INTS11: variants seen among roughly 807,000 people sequenced by gnomAD.
The protein encoded by INTS11 is integrator complex subunit 11.
INTS11 carries 77 observed loss-of-function variants against 78.6 expected under a neutral mutation model. That is an observed-to-expected ratio of 0.98 (90% CI 0.81 to 1.18). The LOEUF (loss-of-function observed/expected upper bound fraction) is 1.18. Among genes scored for constraint, INTS11 ranks in the 50% most tolerant of loss-of-function variants. INTS11 has a pLI of 0.00. For synonymous variants in INTS11, 441 were observed against 326.9 expected (o/e 1.35, Z -3.77); for missense variants, 875 against 825.9 (o/e 1.06, Z -0.73).
In INTS11 at chr1:1,313,774, G is replaced by A. The variant is rs1172684851; in HGVS notation, c.915C>T (p.Ile305=). Reference sequence around the variant, plus strand: ...CAGCAAAAGCCCGGTCGAAGGCCTTGATGTGCTTGAACTCAAACATGTTCC... The same window carrying A: ...CAGCAAAAGCCCGGTCGAAGGCCTTAATGTGCTTGAACTCAAACATGTTCC... ...VQRNMFEFKH[I]KAFDRAFADN... The change falls in exon 9 of 17, where the codon ATC becomes ATT. Residue 305 remains isoleucine, a synonymous_variant. Coordinates refer to ENST00000435064, the MANE Select transcript of INTS11 (RefSeq NM_017871.6). The A allele has an allele frequency of 6.2e-7, 1 of 1,613,380 alleles. No individual in the cohort carries two copies. The highest frequency in any genetic ancestry group is 1.7e-5 in the Admixed American group (1 of 60,024).
Position 1,312,501 on chromosome 1 carries a change from C to T in INTS11, c.1403G>A (p.Gly468Glu), listed in dbSNP as rs1642274253. 10 of 1,581,726 alleles carry T rather than the reference C, an allele frequency of 6.3e-6. No homozygotes were observed. The highest frequency in any genetic ancestry group is 8.6e-6 in the Non-Finnish European group (10 of 1,164,534). ...AGGCTTCTTGGCCTCAGGGAGCAGC[C>T]CTGCGGAGGAGGTGGCAGGAGCCAT... Reference protein sequence around the residue: ...LGLLKREMAQGLLPEAKKPRL... With the variant: ...LGLLKREMAQELLPEAKKPRL... Residue 468 changes from glycine to glutamate, a missense_variant and splice_region_variant, in exon 14 of 17, where the codon GGG (glycine) becomes GAG (glutamate). Coordinates refer to ENST00000435064, the MANE Select transcript of INTS11 (RefSeq NM_017871.6).
chr1:1,315,828 C>CG (rs1221033034), intron 4 of INTS11: 1 of 3,404 alleles, frequency 2.9e-4, no homozygotes, highest in South Asian at 9.1e-3. Context: ...GTGAGGGGGG[C>CG]GGGGGCAGGG....
At position 1,315,617 on chromosome 1, in the gene INTS11, AC is replaced by A. The variant is rs763820646; in HGVS notation, c.430del (p.Val144Ter). On this transcript the variant is annotated frameshift_variant and splice_region_variant, in exon 5 of 17. Coordinates refer to ENST00000435064, the MANE Select transcript of INTS11 (RefSeq NM_017871.6). LOFTEE classifies it high-confidence loss of function. ...VAVHLHQTVQ[V>X]DDELEIKAYY... ...GGCCTTGATCTCCAGCTCATCATCT[AC>A]CTGTGGAGGACAGGGCTGCGCTCAG... 6.3e-7 allele frequency: 1 copy of A among 1,597,508 alleles called. No individual in the cohort carries two copies. Among genetic ancestry groups the A allele is most frequent in the Non-Finnish European group, 8.5e-7 (1 of 1,172,156 alleles).
chr1:1,311,969 G>C, intron 16 of INTS11, 45 bp from the exon 17 acceptor site: 1 of 1,596,396 alleles, frequency 6.3e-7, no homozygotes, highest in African/African-American at 1.3e-5. Context: ...GGACAGGGAG[G>C]AATGTTGATA....
chr1:1,314,644 C>T lies in INTS11; in HGVS notation c.702+180G>A, dbSNP rs138032726. On this transcript the variant is annotated intron_variant, in intron 7 of 16. Coordinates refer to ENST00000435064, the MANE Select transcript of INTS11 (RefSeq NM_017871.6). The surrounding 1 kb of genome is among the most constrained non-coding windows in gnomAD (Gnocchi z 4.2). The stretch of plus-strand genomic sequence containing the variant: ...CCTGAGGTAGGAGGGAAAAGGGGCT[C>T]CCTAGGAAAGGGTCTCTGAGTTTTC... The T allele has an allele frequency of 3.2e-4, 256 of 805,736 alleles. No homozygotes were observed. Among genetic ancestry groups the T allele is most frequent in the African/African-American group, 1.5e-3 (87 of 57,670 alleles). The allele number at this position is 805,736 out of a possible 1,614,324, so 49.9% of individuals were successfully genotyped here.
Position 1,314,089 on chromosome 1 carries a change from C to G in INTS11, c.768-168G>C, listed in dbSNP as rs1270359100. The G allele has an allele frequency of 1.3e-6, 1 of 793,752 alleles. No homozygotes were observed. Among genetic ancestry groups the G allele is most frequent in the African/African-American group, 1.7e-5 (1 of 57,656 alleles). 49.2% of individuals were successfully genotyped at this position (793,752 alleles called of 1,614,324 possible). On this transcript the variant is annotated intron_variant, in intron 8 of 16. Transcript: ENST00000435064. This position sits in a 1 kb window ranked among gnomAD's most constrained non-coding sequence, Gnocchi z 4.2. ...TAAGCCCTGCAGCAGCCGGGCTCAG[C>G]GGAGAACCAGGAACCCCTACAAGAG...
chr1:1,320,183 A>G (rs1414592653), intron 3 of INTS11: 1 of 441,762 alleles, frequency 2.3e-6, no homozygotes. Context: ...TGGGGTTTAA[A>G]GATCCTGAGA....
intron 6 of INTS11, 167 bp from the exon 7 acceptor site, chr1:1,315,129 G>C (rs1169005167): frequency 1.0e-5 from 9 of 897,180 alleles, no homozygotes; most frequent in Non-Finnish European, 1.5e-5. Context: ...TGGGAAGAGA[G>C]AGGAGAGACA....
chr1:1,316,034 A>C, intron 4 of INTS11: 1 of 252,690 alleles, frequency 4.0e-6, no homozygotes. Context: ...AAGGTTCAGA[A>C]TGTTGGCGGC....
intron 2 of INTS11, 124 bp downstream of exon 2, chr1:1,320,872 G>A (rs1331224215): frequency 3.3e-6 from 3 of 920,520 alleles, no homozygotes; most frequent in South Asian, 1.3e-5. Flanking sequence ...GCTCCCCACA[G>A]GGTGCAGCCA....
rs1307568776 is a variant in INTS11 at position 1,311,926 on chromosome 1, T to TAGGGCAGAGGCA, written c.1738-14_1738-3dup. On this transcript the variant is annotated splice_region_variant and splice_polypyrimidine_tract_variant and intron_variant, in intron 16 of 16. Transcript: ENST00000435064. ...GAGGAAGCTCCCCAGCTCCTCGTCC[T>TAGGGCAGAGGCA]AGGGCAGAGGCAAAAGCATTGTGGG... 1 of 1,581,992 alleles carries TAGGGCAGAGGCA rather than the reference T, an allele frequency of 6.3e-7. No individual in the cohort carries two copies. Among genetic ancestry groups the TAGGGCAGAGGCA allele is most frequent in the Non-Finnish European group, 8.6e-7 (1 of 1,162,060 alleles).
rs996747526 is a variant in INTS11, at chr1:1,313,302, G to C, written c.1042-178C>G. 7.8e-5 allele frequency: 70 copies of C among 895,690 alleles called. 1 individual carries two copies. The highest frequency in any genetic ancestry group is 6.6e-4 in the Admixed American group (31 of 46,882). 55.5% of individuals were successfully genotyped at this position (895,690 alleles called of 1,614,324 possible). On this transcript the variant is annotated intron_variant, in intron 10 of 16. Transcript: ENST00000435064. ...TTTGGCACAAGACTGTCCAGGGCTG[G>C]GCTGGGGCTGTTCTGCCCGAGGTGG... is the stretch of plus-strand genomic sequence containing the variant.
chr1:1,322,922 A>AGGTACAGAT, intron 1 of INTS11: 2 of 1,337,566 alleles, frequency 1.5e-6, no homozygotes, highest in Non-Finnish European at 1.9e-6. Flanking sequence ...GAATATACCC[A>AGGTACAGAT]GGTACAGATT....
Position 1,315,084 on chromosome 1 carries a change from A to G in INTS11, c.564-122T>C, listed in dbSNP as rs189734561. 2.1e-4 allele frequency: 260 copies of G among 1,255,812 alleles called. 1 individual carries two copies. Among genetic ancestry groups the G allele is most frequent in the African/African-American group, 1.4e-3 (95 of 67,124 alleles). The allele number at this position is 1,255,812 out of a possible 1,614,324, so 77.8% of individuals were successfully genotyped here. ...CCTTCCTAGGTCACTCTGGCTGGAA[A>G]GAGCCAGCTGGTAAAATGCTGTGGG... On this transcript the variant is annotated intron_variant, in intron 6 of 16. Coordinates refer to ENST00000435064, the MANE Select transcript of INTS11 (RefSeq NM_017871.6).
At chr1:1,318,647 C>CAAAA in intron 4 of INTS11, 3 of 319,772 alleles carry the variant, frequency 9.4e-6, no homozygotes, top group Non-Finnish European at 1.1e-5. Context: ...GAGACACTGT[C>CAAAA]AAAAAAAAAA....
intron 6 of INTS11, 167 bp from the exon 7 acceptor site, chr1:1,315,129 G>T: frequency 1.1e-6 from 1 of 897,298 alleles, no homozygotes; most frequent in Non-Finnish European, 1.7e-6. Context: ...TGGGAAGAGA[G>T]AGGAGAGACA....
chr1:1,324,658 T>C lies in INTS11; in HGVS notation c.-50A>G. The stretch of plus-strand genomic sequence containing the variant: ...GCGAGGCCCGCCTGCGGTGATGCAC[T>C]GCGCAGGCGCAACCACCTCGCTGCA... On this transcript the variant is annotated 5_prime_UTR_variant, in exon 1 of 17. Transcript: ENST00000435064. The C allele has an allele frequency of 1.9e-6, 3 of 1,574,058 alleles. No individual in the cohort carries two copies. The highest frequency in any genetic ancestry group is 1.1e-5 in the South Asian group (1 of 87,386).
intron 14 of INTS11, 25 bp downstream of exon 14, chr1:1,312,415 C>G (rs770247788): frequency 2.7e-5 from 43 of 1,564,924 alleles, no homozygotes; most frequent in Non-Finnish European, 3.6e-5. Flanking sequence ...GCCCTCCCCC[C>G]TCCAGAGACC....
chr1:1,320,566 T>A (rs1557642424), intron 2 of INTS11, 37 bp from the exon 3 acceptor site: 1 of 1,607,852 alleles, frequency 6.2e-7, no homozygotes, highest in Admixed American at 1.7e-5. Flanking sequence ...TGCACAGTGG[T>A]CTCCAGGCAG....
Sources: allele counts gnomAD v4.1 joint callset, GRCh38; gene constraint gnomAD v4.1.1; non-coding constraint Gnocchi (gnomAD v3.1); transcripts MANE v1.5; gene names NCBI Gene and HGNC (gene_info 2026-07-23, HGNC 2026-07-21).